Variants in NRG1 observed in about 807,000 individuals in gnomAD.
NRG1 encodes neuregulin 1, also known as pro-neuregulin-1, membrane-bound isoform.
A neutral mutation model predicts 63.8 loss-of-function variants in NRG1; 18 were observed. The ratio of observed to expected loss-of-function variants is 0.28; its 90% CI spans 0.19 to 0.42. The LOEUF (loss-of-function observed/expected upper bound fraction) is 0.42. NRG1 is among the 10% of genes least tolerant of loss of function. The pLI, the probability that NRG1 is intolerant of heterozygous loss-of-function variation, is 1.00. For missense variants in NRG1, 762 were observed against 814.7 expected (o/e 0.94, Z 0.79); for synonymous variants, 302 against 301.3 (o/e 1.00, Z -0.02).
rs148517818 is a variant in NRG1, at chr8:32,390,552, G to A, written c.38-205276G>A. Among the ~76,000 whole-genome samples, 988 of 145,982 alleles carry A rather than the reference G, an allele frequency of 6.8e-3. 16 individuals carry two copies. The highest frequency in any genetic ancestry group is 0.024 in the African/African-American group (937 of 39,252). ...TGGGAGGTCAAGACTTCAGTGAGCC[G>A]TGATCATGCCACTGCATTCCAGCCT... On this transcript the variant is annotated intron_variant, in intron 1 of 10. Coordinates refer to the NRG1 transcript ENST00000519301.
intron 1 of NRG1, among the ~76,000 whole-genome samples, chr8:32,078,918 G>A (rs1827014487): frequency 6.6e-6 from 1 of 152,006 alleles, no homozygotes; most frequent in African/African-American, 2.4e-5. Context: ...CTGTCAGCAG[G>A]GTTGAAATAA....
intron 1 of NRG1, among the ~76,000 whole-genome samples, chr8:32,567,101 G>T (rs780813855): frequency 3.9e-5 from 6 of 152,168 alleles, no homozygotes; most frequent in Admixed American, 6.5e-5. Flanking sequence ...GCCTCCCAAA[G>T]TGCTGGGATT....
In NRG1 at chr8:32,523,425, AT is replaced by A. The variant is rs1265013780; in HGVS notation, c.38-72400del. Among the ~76,000 whole-genome samples the A allele has an allele frequency of 5.9e-5, 9 of 152,350 alleles. No individual in the cohort carries two copies. The East Asian group carries it at 1.7e-3, about 29-fold the overall frequency. ...TAAAAACTAGGTTATTTATATTACTATTTAATGGAGTTAGCGTTGCTATTTT... is the reference window on the plus strand; with the variant it reads ...TAAAAACTAGGTTATTTATATTACTATTAATGGAGTTAGCGTTGCTATTTT... On this transcript the variant is annotated intron_variant, in intron 1 of 10. Coordinates refer to the NRG1 transcript ENST00000519301.
At chr8:31,771,252 C>A (rs1331001217) in intron 1 of NRG1, among the ~76,000 whole-genome samples, 1 of 152,066 alleles carries the variant, frequency 6.6e-6, no homozygotes, top group Non-Finnish European at 1.5e-5. Context: ...ACTATGCAAC[C>A]TTTTGAGATT....
At chr8:32,728,214 G>C in intron 6 of NRG1, 136 bp downstream of exon 6, 1 of 1,473,266 alleles carries the variant, frequency 6.8e-7, no homozygotes. Context: ...TATGTAGAGT[G>C]TTTTAAAACA....
intron 1 of NRG1, among the ~76,000 whole-genome samples, chr8:31,719,099 A>G (rs1585899863): frequency 1.3e-5 from 2 of 152,066 alleles, no homozygotes; most frequent in Non-Finnish European, 2.9e-5. Context: ...ATTTTGTTTC[A>G]TTTCCCCGGG....
intron 1 of NRG1, among the ~76,000 whole-genome samples, chr8:32,503,820 A>C (rs2129497490): frequency 6.6e-6 from 1 of 152,278 alleles, no homozygotes; most frequent in Admixed American, 6.5e-5. Flanking sequence ...GTAAAGTGGA[A>C]GATGGCCAAG....
chr8:32,302,823 T>C (rs1179062957), intron 1 of NRG1, among the ~76,000 whole-genome samples: 1 of 146,982 alleles, frequency 6.8e-6, no homozygotes, highest in Non-Finnish European at 1.5e-5. Flanking sequence ...AAATAAAAAT[T>C]AGTAAACAGA....
intron 1 of NRG1, chr8:32,441,152 C>T (rs1313643778): frequency 6.6e-6 from 1 of 152,062 alleles, no homozygotes; most frequent in African/African-American, 2.4e-5. Context: ...TTCTCATGCT[C>T]AGAGATTAAG....
At chr8:32,480,451 G>A (rs760640397) in intron 1 of NRG1, among the ~76,000 whole-genome samples, 35 of 148,602 alleles carry the variant, frequency 2.4e-4, no homozygotes, top group African/African-American at 6.5e-4. Flanking sequence ...AAAAAAAAAG[G>A]TTTCAAATGT....
chr8:31,894,004 A>G (rs34990526), intron 1 of NRG1, among the ~76,000 whole-genome samples: 46,744 of 152,012 alleles, frequency 0.31, 8,321 homozygotes, highest in East Asian at 0.74. Flanking sequence ...TCATTCAAAA[A>G]TACATTTCCA....
chr8:32,383,199 T>C (rs1810571528), intron 1 of NRG1, among the ~76,000 whole-genome samples: 1 of 152,160 alleles, frequency 6.6e-6, no homozygotes, highest in African/African-American at 2.4e-5. Context: ...CATTCCAGCC[T>C]TGGTGATAGA....
chr8:31,911,267 A>T (rs1832922194), intron 1 of NRG1, among the ~76,000 whole-genome samples: 1 of 152,228 alleles, frequency 6.6e-6, no homozygotes, highest in Admixed American at 6.5e-5. Flanking sequence ...TCATTCTATC[A>T]TAAAGACAAA....
intron 1 of NRG1, among the ~76,000 whole-genome samples, chr8:31,660,841 G>A (rs978073675): frequency 2.0e-5 from 3 of 152,112 alleles, no homozygotes; most frequent in South Asian, 2.1e-4. Context: ...GGAGTCTATA[G>A]TGATATAGTC....
intron 5 of NRG1, among the ~76,000 whole-genome samples, chr8:32,689,122 G>A (rs1490413279): frequency 1.3e-5 from 2 of 152,162 alleles, no homozygotes; most frequent in Non-Finnish European, 2.9e-5. Context: ...CCAAGAAAAA[G>A]TGAGCCTATT....
At chr8:31,932,643 A>G (rs1834960313) in intron 1 of NRG1, among the ~76,000 whole-genome samples, 1 of 152,184 alleles carries the variant, frequency 6.6e-6, no homozygotes, top group African/African-American at 2.4e-5. Flanking sequence ...TATTTTCTAT[A>G]GAAATTTTGT....
chr8:31,830,631 C>A (rs1422851631), intron 1 of NRG1, among the ~76,000 whole-genome samples: 1 of 152,040 alleles, frequency 6.6e-6, no homozygotes, highest in East Asian at 1.9e-4. Flanking sequence ...AGTTTCCTGG[C>A]CTTGGCTCTA....
intron 1 of NRG1, among the ~76,000 whole-genome samples, chr8:32,384,283 G>A (rs2347510): frequency 0.9 from 136,592 of 152,250 alleles, 62,044 homozygotes; most frequent in Non-Finnish European, 0.95. Flanking sequence ...ACTGTAAATG[G>A]TACAAATATA....
intron 1 of NRG1, among the ~76,000 whole-genome samples, chr8:32,101,971 G>A (rs761927386): frequency 2.0e-5 from 3 of 152,086 alleles, no homozygotes; most frequent in Non-Finnish European, 2.9e-5. Flanking sequence ...TGTTTGTAGG[G>A]CTTTTTTAGA....
Sources: gnomAD v4.1 joint callset for allele counts (sites outside exome capture counted in the v4.1 genomes callset) on GRCh38, gnomAD v4.1.1 for gene constraint, MANE v1.5 for transcripts, NCBI Gene and HGNC (gene_info 2026-07-23, HGNC 2026-07-21) for gene names.